Variants in ZNF143 observed in about 807,000 individuals in gnomAD.
ZNF143 encodes the protein zinc finger protein 143, also known as SPH-binding factor.
ZNF143 carries 49 observed loss-of-function variants against 74.1 expected under a neutral mutation model. The ratio of observed to expected loss-of-function variants is 0.66; its 90% CI spans 0.53 to 0.84. The LOEUF (loss-of-function observed/expected upper bound fraction) is 0.84, where lower values mean the gene tolerates loss of function less well. ZNF143 is among the 40% of genes least tolerant of loss of function. ZNF143 has a pLI of 0.00. For synonymous variants in ZNF143, 304 were observed against 282.8 expected, an observed-to-expected ratio of 1.07 and a Z score of -0.75; for missense variants, 637 against 793.4, an observed-to-expected ratio of 0.80 and a Z score of 2.37.
chr11:9,485,520 G>C (rs1035590324), intron 7 of ZNF143, among the ~76,000 whole-genome samples: 2 of 151,208 alleles, frequency 1.3e-5, no homozygotes, highest in African/African-American at 2.5e-5. Flanking sequence ...GCTAGTTTTT[G>C]TATTTTTAGT....
intron 14 of ZNF143, among the ~76,000 whole-genome samples, chr11:9,520,794 T>A (rs1222645517): frequency 5.9e-5 from 9 of 151,662 alleles, no homozygotes; most frequent in African/African-American, 9.7e-5. Flanking sequence ...CTCAAAAAAA[T>A]AAAAAATAAA....
chr11:9,512,662 G>A (rs1848592714), intron 13 of ZNF143, 66 bp downstream of exon 13: 2 of 1,595,772 alleles, frequency 1.3e-6, no homozygotes, highest in Non-Finnish European at 1.7e-6. Context: ...AAGGCAGGCT[G>A]GGTCCCCATT....
chr11:9,521,453 T>C (rs182180063), intron 14 of ZNF143, among the ~76,000 whole-genome samples: 203 of 152,306 alleles, frequency 1.3e-3, no homozygotes, highest in African/African-American at 4.3e-3. Flanking sequence ...TGTTCTCTTC[T>C]GTACTATTTT....
chr11:9,477,113 C>CCATT (rs1554962348), intron 5 of ZNF143, among the ~76,000 whole-genome samples: 2 of 70,452 alleles, frequency 2.8e-5, no homozygotes. Flanking sequence ...AAGTCTGCAC[C>CCATT]CCTTCCTTCC....
intron 11 of ZNF143, among the ~76,000 whole-genome samples, chr11:9,504,013 GC>G (rs1177646690): frequency 1.9e-5 from 2 of 103,760 alleles, no homozygotes; most frequent in Non-Finnish European, 3.9e-5. Context: ...AGGCTGGAGT[GC>G]AGTGGCGCAA....
intron 7 of ZNF143, 104 bp from the exon 8 acceptor site, chr11:9,494,542 C>A: frequency 8.6e-7 from 1 of 1,166,072 alleles, no homozygotes; most frequent in Non-Finnish European, 1.2e-6. Context: ...AACTCCTGGG[C>A]TCAAATGATC....
intron 5 of ZNF143, among the ~76,000 whole-genome samples, chr11:9,475,409 G>A (rs1856818897): frequency 6.6e-6 from 1 of 152,118 alleles, no homozygotes. Context: ...ACACGTGTGT[G>A]TCACCACAGC....
chr11:9,486,963 T>A (rs1175748293), intron 7 of ZNF143, among the ~76,000 whole-genome samples: 5 of 146,978 alleles, frequency 3.4e-5, no homozygotes, highest in Admixed American at 3.4e-4. Context: ...CCACTGCACC[T>A]GGCCCTTTTT....
chr11:9,524,981 G>C (rs982688496), intron 14 of ZNF143, among the ~76,000 whole-genome samples: 1 of 152,084 alleles, frequency 6.6e-6, no homozygotes, highest in South Asian at 2.1e-4. Flanking sequence ...ACATCTCCCT[G>C]GCTAATGGGG....
chr11:9,491,936 C>CTAT (rs1847797240), intron 7 of ZNF143, among the ~76,000 whole-genome samples: 1 of 151,770 alleles, frequency 6.6e-6, no homozygotes, highest in African/African-American at 2.4e-5. Flanking sequence ...AGCCTACATA[C>CTAT]TATTTATTTA....
intron 14 of ZNF143, among the ~76,000 whole-genome samples, chr11:9,523,699 A>C (rs1849021954): frequency 6.7e-6 from 1 of 150,150 alleles, no homozygotes; most frequent in African/African-American, 2.5e-5. Flanking sequence ...GCGCCACTGC[A>C]CTCCAGCCTG....
chr11:9,484,800 A>AT lies in ZNF143; in HGVS notation c.645+5269dup, dbSNP rs1381085964. 7.5e-5 allele frequency among the ~76,000 whole-genome samples: 5 copies of AT among 66,998 alleles called. No homozygotes were observed. In the East Asian group the frequency reaches 2.0e-3, roughly 26 times the overall value. 44.0% of individuals were successfully genotyped at this position (66,998 alleles called of 152,430 possible). ...CGTGAGCCACCGCACCTGGCCAAAG[A>AT]TTTTTTTTTTTTTTTGAGACGGAGT... On this transcript the variant is annotated intron_variant, in intron 7 of 15. Coordinates refer to ENST00000396602, the MANE Select transcript of ZNF143 (RefSeq NM_003442.6).
chr11:9,525,164 G>A (rs1169024875), intron 14 of ZNF143, 76 bp from the exon 15 acceptor site: 20 of 1,536,788 alleles, frequency 1.3e-5, no homozygotes, highest in Admixed American at 8.5e-5. Context: ...GAAATCCATT[G>A]TATTAAGTGG....
chr11:9,502,121 A>G (rs757303292), intron 11 of ZNF143, among the ~76,000 whole-genome samples: 44 of 148,960 alleles, frequency 3.0e-4, no homozygotes, highest in Non-Finnish European at 5.8e-4. Context: ...TTTTTAGTAG[A>G]GACGGGGTTT....
chr11:9,505,528 G>C (rs1468547813), intron 11 of ZNF143, among the ~76,000 whole-genome samples: 1 of 151,448 alleles, frequency 6.6e-6, no homozygotes, highest in Non-Finnish European at 1.5e-5. Flanking sequence ...GCCCAGCCCT[G>C]ATATGCAATT....
At chr11:9,486,730 G>A (rs1447767569) in intron 7 of ZNF143, among the ~76,000 whole-genome samples, 1 of 149,710 alleles carries the variant, frequency 6.7e-6, no homozygotes, top group Non-Finnish European at 1.5e-5. Flanking sequence ...GTGCAGTGGT[G>A]TAATCTCGGC....
chr11:9,502,705 C>T (rs1848211076), intron 11 of ZNF143, among the ~76,000 whole-genome samples: 1 of 151,984 alleles, frequency 6.6e-6, no homozygotes, highest in Non-Finnish European at 1.5e-5. Flanking sequence ...TTTCATTTCC[C>T]CTAAAAGAAA....
In ZNF143 at chr11:9,486,387, A is replaced by ATT. The variant is rs1491455973; in HGVS notation, c.645+6841_645+6842insTT. 6.4e-3 allele frequency among the ~76,000 whole-genome samples: 115 copies of ATT among 17,992 alleles called. 3 individuals carry two copies. The highest frequency in any genetic ancestry group is 0.024 in the African/African-American group (103 of 4,326). The allele number at this position is 17,992 out of a possible 152,430, so 11.8% of individuals were successfully genotyped here. A position where few individuals can be genotyped will look rare whatever the true frequency, so the allele number is the denominator to read the frequency against. ...ATTATATATAATATATTATATATAT[A>ATT]ATATATATAATATATTATATATATA... On this transcript the variant is annotated intron_variant, in intron 7 of 15. Transcript: ENST00000396602.
At chr11:9,501,334 A>G in intron 11 of ZNF143, 64 bp downstream of exon 11, 1 of 1,560,834 alleles carries the variant, frequency 6.4e-7, no homozygotes. Context: ...TGCCTTTTCC[A>G]GAAACCATTT....
Sources: gnomAD v4.1 joint callset for allele counts (sites outside exome capture counted in the v4.1 genomes callset) on GRCh38, gnomAD v4.1.1 for gene constraint, MANE v1.5 for transcripts, NCBI Gene and HGNC (gene_info 2026-07-23, HGNC 2026-07-21) for gene names.